Variants in CPED1 observed in about 807,000 individuals in gnomAD.
CPED1 encodes cadherin-like and PC-esterase domain-containing protein 1.
CPED1 carries 114 observed loss-of-function variants against 128.2 expected under a neutral mutation model. That is an observed-to-expected ratio of 0.89 (90% confidence interval 0.76 to 1.04). The LOEUF (loss-of-function observed/expected upper bound fraction) is 1.04. Among genes scored for constraint, CPED1 ranks in the 50% least tolerant of loss-of-function variants. CPED1 has a pLI of 0.00. For missense variants in CPED1, 1,211 were observed against 1,207.1 expected (o/e 1.00, Z -0.05); for synonymous variants, 462 against 426.7 (o/e 1.08, Z -1.02).
At chr7:121,167,768 G>C (rs189087716) in intron 16 of CPED1, among the ~76,000 whole-genome samples, 191 of 117,868 alleles carry the variant, frequency 1.6e-3, no homozygotes, top group African/African-American at 5.9e-3. Flanking sequence ...GTCTCGCTCT[G>C]TTGCCCAGGC....
intron 5 of CPED1, among the ~76,000 whole-genome samples, chr7:121,085,271 C>G (rs916953216): frequency 2.3e-5 from 3 of 130,716 alleles, no homozygotes; most frequent in East Asian, 2.0e-4. Flanking sequence ...TGCTTCTCCT[C>G]CTGCTGCTGC....
chr7:121,255,455 A>T (rs1015383567), intron 18 of CPED1, among the ~76,000 whole-genome samples: 2 of 152,116 alleles, frequency 1.3e-5, no homozygotes, highest in Non-Finnish European at 2.9e-5. Flanking sequence ...CACAGCTAAC[A>T]TCATATGGAA....
At position 121,142,042 on chromosome 7, in the gene CPED1, A is replaced by C; in HGVS notation, c.1956A>C (p.Ala652=). 6.2e-7 allele frequency: 1 copy of C among 1,612,856 alleles called. No homozygotes were observed. The highest frequency in any genetic ancestry group is 8.5e-7 in the Non-Finnish European group (1 of 1,179,142). ...ISIFVVDESP[A]HGETLITYKL... is the part of the protein sequence containing the mutation. ...TATTTGTTGTGGATGAATCTCCAGCACACGGTGAGACTCTGATCACGTACA... is the reference window on the plus strand; with the variant it reads ...TATTTGTTGTGGATGAATCTCCAGCCCACGGTGAGACTCTGATCACGTACA... Residue 652 remains alanine (A), a synonymous_variant, in exon 16 of 23, where the codon GCA becomes GCC. Coordinates refer to ENST00000310396, the MANE Select transcript of CPED1 (RefSeq NM_024913.5).
chr7:121,123,616 G>A (rs944172016), intron 7 of CPED1, among the ~76,000 whole-genome samples: 10 of 151,960 alleles, frequency 6.6e-5, no homozygotes, highest in African/African-American at 2.2e-4. Context: ...TAATATTTAA[G>A]CAAATAAAAA....
chr7:121,206,641 T>G (rs910898160), intron 16 of CPED1, among the ~76,000 whole-genome samples: 1 of 151,992 alleles, frequency 6.6e-6, no homozygotes, highest in African/African-American at 2.4e-5. Flanking sequence ...ATGATACAAT[T>G]CAATACAAAC....
chr7:121,160,632 G>A (rs1184492682), intron 16 of CPED1, among the ~76,000 whole-genome samples: 3 of 152,178 alleles, frequency 2.0e-5, no homozygotes, highest in African/African-American at 4.8e-5. Context: ...GAGAAAGAGA[G>A]TGATGAGATA....
intron 16 of CPED1, among the ~76,000 whole-genome samples, chr7:121,170,167 A>T (rs186486367): frequency 6.3e-4 from 96 of 152,338 alleles, no homozygotes; most frequent in Non-Finnish European, 1.1e-3. Context: ...GAGTCCATAT[A>T]TAAGAAATCT....
intron 16 of CPED1, among the ~76,000 whole-genome samples, chr7:121,227,036 A>G (rs1001177310): frequency 2.0e-5 from 3 of 152,116 alleles, no homozygotes; most frequent in Non-Finnish European, 4.4e-5. Context: ...ACAAAATTCT[A>G]GAGCTAAATA....
chr7:121,100,115 A>G (rs777971197), intron 7 of CPED1, 21 bp downstream of exon 7: 3 of 1,610,844 alleles, frequency 1.9e-6, no homozygotes, highest in Middle Eastern at 1.7e-4. Flanking sequence ...GGTTGAAGCT[A>G]TTATTTCACG....
chr7:121,259,415 G>C (rs1050379440), intron 18 of CPED1, among the ~76,000 whole-genome samples: 2 of 151,952 alleles, frequency 1.3e-5, no homozygotes, highest in Admixed American at 1.3e-4. Flanking sequence ...AACTCTAAAT[G>C]TATCCAAATA....
At chr7:121,264,025 G>A (rs1215469453) in intron 18 of CPED1, among the ~76,000 whole-genome samples, 1 of 152,020 alleles carries the variant, frequency 6.6e-6, no homozygotes, top group South Asian at 2.1e-4. Context: ...AATGTCCTAT[G>A]TGTGGGGCCT....
rs1792803122 is a variant in CPED1 at position 121,295,457 on chromosome 7, AT to A, written c.2887del (p.Ser963ProfsTer9). 1 of 1,612,260 alleles carries A rather than the reference AT, an allele frequency of 6.2e-7. No homozygotes were observed. The highest frequency in any genetic ancestry group is 2.2e-5 in the East Asian group (1 of 44,684). ...ATTTACAGGTAGTGAAATCAAAGTT[AT>A]CCAAAGAATATAACTTTATTAAAAT... ...HFHEVVKSKL[S>X]KEYNFIKMKR... On this transcript the variant is annotated frameshift_variant, in exon 23 of 23. Coordinates refer to ENST00000310396, the MANE Select transcript of CPED1 (RefSeq NM_024913.5). LOFTEE classifies it high-confidence loss of function.
In CPED1 at chr7:120,989,467, G is replaced by C. The variant is rs921530473; in HGVS notation, c.-155G>C. ...GACTTTCGGGACCTATGATTCTTTG[G>C]CACAACCTTTTGGAAAATTCTTAAG... is the stretch of plus-strand genomic sequence containing the variant. On this transcript the variant is annotated 5_prime_UTR_variant, in exon 2 of 23. Coordinates refer to ENST00000310396, the MANE Select transcript of CPED1 (RefSeq NM_024913.5). 1 of 922,562 alleles carries C rather than the reference G, an allele frequency of 1.1e-6. No individual in the cohort carries two copies. Among genetic ancestry groups the C allele is most frequent in the African/African-American group, 1.7e-5 (1 of 59,950 alleles). 57.1% of individuals were successfully genotyped at this position (922,562 alleles called of 1,614,324 possible).
chr7:121,110,255 AG>A (rs1342207986), intron 7 of CPED1, among the ~76,000 whole-genome samples: 1 of 152,192 alleles, frequency 6.6e-6, no homozygotes, highest in Non-Finnish European at 1.5e-5. Context: ...GTTGGGCTCC[AG>A]TAGCATAGCA....
intron 3 of CPED1, among the ~76,000 whole-genome samples, chr7:121,026,301 TTC>T (rs939825110): frequency 6.6e-6 from 1 of 152,272 alleles, no homozygotes; most frequent in Admixed American, 6.5e-5. Flanking sequence ...CAGTTTCAGT[TTC>T]TCTTTCCTGA....
intron 18 of CPED1, among the ~76,000 whole-genome samples, chr7:121,263,649 A>T (rs1562855541): frequency 6.6e-6 from 1 of 151,982 alleles, no homozygotes; most frequent in African/African-American, 2.4e-5. Context: ...TCACATATAA[A>T]CACACAGAAA....
intron 5 of CPED1, among the ~76,000 whole-genome samples, chr7:121,072,905 T>C (rs778141170): frequency 1.6e-4 from 24 of 152,310 alleles, no homozygotes; most frequent in African/African-American, 4.3e-4. Context: ...GTCTACCTAA[T>C]TGGCTAAGAT....
chr7:121,095,482 GTTT>G, intron 5 of CPED1, among the ~76,000 whole-genome samples: 1 of 146,830 alleles, frequency 6.8e-6, no homozygotes, highest in East Asian at 2.0e-4. Context: ...AATTACAGAG[GTTT>G]TTTTTTTTCT....
intron 5 of CPED1, among the ~76,000 whole-genome samples, chr7:121,080,628 T>C (rs1469126427): frequency 2.0e-5 from 3 of 152,288 alleles, no homozygotes; most frequent in African/African-American, 7.2e-5. Context: ...ACCTGCTTTG[T>C]GAATAAAACC....
Sources: gnomAD v4.1 joint callset for allele counts (sites outside exome capture counted in the v4.1 genomes callset) on GRCh38, gnomAD v4.1.1 for gene constraint, MANE v1.5 for transcripts, NCBI Gene and HGNC (gene_info 2026-07-23, HGNC 2026-07-21) for gene names.